The following ATP1A1 variants were observed in gnomAD, a reference collection of about 807,000 sequenced individuals.
ATP1A1 encodes ATPase Na+/K+ transporting subunit alpha 1, also known as sodium/potassium-transporting ATPase subunit alpha-1.
A neutral mutation model predicts 114.8 loss-of-function variants in ATP1A1; 14 were observed. That is an observed-to-expected ratio of 0.12 (90% confidence interval 0.08 to 0.19). The LOEUF (loss-of-function observed/expected upper bound fraction) is 0.19. Ranked by LOEUF, ATP1A1 falls within the 10% of genes least tolerant of loss-of-function variation. The pLI, the probability that ATP1A1 is intolerant of heterozygous loss-of-function variation, is 1.00. For synonymous variants in ATP1A1, 471 were observed against 466.3 expected (o/e 1.01, Z -0.13); for missense variants, 524 against 1,290.7 (o/e 0.41, Z 9.10).
chr1:116,403,852 G>A (rs1265659813), intron 21 of ATP1A1, 32 bp from the exon 22 acceptor site: 1 of 1,534,664 alleles, frequency 6.5e-7, no homozygotes, highest in East Asian at 2.2e-5. Context: ...GTGTTCGTGT[G>A]CATATAAATT....
intron 1 of ATP1A1, among the ~76,000 whole-genome samples, chr1:116,377,143 A>ATTTT (rs1651425041): frequency 6.6e-6 from 1 of 152,264 alleles, no homozygotes; most frequent in Non-Finnish European, 1.5e-5. Flanking sequence ...TCACTTAAAA[A>ATTTT]CAAACAGGTT....
chr1:116,392,684 G>C, intron 10 of ATP1A1, 170 bp from the exon 11 acceptor site: 1 of 701,632 alleles, frequency 1.4e-6, no homozygotes, highest in Non-Finnish European at 2.3e-6. Context: ...AACAGCAGTG[G>C]TCGGGGCTAG....
At chr1:116,390,009 G>T (rs1010709976) in intron 8 of ATP1A1, 10 of 668,876 alleles carry the variant, frequency 1.5e-5, no homozygotes, top group Admixed American at 2.9e-5. Context: ...GTAGAATCCT[G>T]TTATTATTTT....
Position 116,393,941 on chromosome 1 carries a change from C to T in ATP1A1, c.1660+218C>T, listed in dbSNP as rs1652689045. Among the ~76,000 whole-genome samples the T allele has an allele frequency of 6.6e-6, 1 of 152,130 alleles. No individual in the cohort carries two copies. The highest frequency in any genetic ancestry group is 6.5e-5 in the Admixed American group (1 of 15,272). ...CAGCGTATTGGGCTGTGAGAAACAA[C>T]GTCCTGATGGTTTGCTTCTGACTTG... On this transcript the variant is annotated intron_variant, in intron 12 of 22. Transcript: ENST00000295598. This position sits in a 1 kb window ranked among gnomAD's most constrained non-coding sequence, Gnocchi z 5.0.
Position 116,388,784 on chromosome 1 carries a change from A to G in ATP1A1, c.636+12A>G. The G allele has an allele frequency of 6.2e-7, 1 of 1,613,958 alleles. No homozygotes were observed. The highest frequency in any genetic ancestry group is 8.5e-7 in the Non-Finnish European group (1 of 1,179,882). On this transcript the variant is annotated intron_variant, in intron 6 of 22. Coordinates refer to ENST00000295598, the MANE Select transcript of ATP1A1 (RefSeq NM_000701.8). This position sits in a 1 kb window ranked among gnomAD's most constrained non-coding sequence, Gnocchi z 5.6. Reference sequence around the variant, plus strand: ...CAAATGGCTGCAAGGTAGCTCTTTTATTTTAACAAACCTCATAGCTAGCTC... The same window carrying G: ...CAAATGGCTGCAAGGTAGCTCTTTTGTTTTAACAAACCTCATAGCTAGCTC...
In ATP1A1 at chr1:116,387,511, A is replaced by T. The variant is rs370388445; in HGVS notation, c.387+20A>T. 1 of 1,612,986 alleles carries T rather than the reference A, an allele frequency of 6.2e-7. No homozygotes were observed. On this transcript the variant is annotated intron_variant, in intron 4 of 22. Transcript: ENST00000295598. The surrounding 1 kb of genome is among the most constrained non-coding windows in gnomAD (Gnocchi z 6.7). ...GATAATGTGAGTTCTGTAATTCAGCATATGGATTTGTAGTACACATCAGAT... is the reference window on the plus strand; with the variant it reads ...GATAATGTGAGTTCTGTAATTCAGCTTATGGATTTGTAGTACACATCAGAT...
In ATP1A1 at chr1:116,398,973, C is replaced by A; in HGVS notation, c.2337C>A (p.Thr779=). 2 of 1,614,150 alleles carry A rather than the reference C, an allele frequency of 1.2e-6. No homozygotes were observed. The highest frequency in any genetic ancestry group is 1.7e-6 in the Non-Finnish European group (2 of 1,180,036). The change falls in exon 17 of 23, where the codon ACC becomes ACA. Residue 779 remains threonine (T), a synonymous_variant. Transcript: ENST00000295598. This position sits in a 1 kb window ranked among gnomAD's most constrained non-coding sequence, Gnocchi z 6.1. Reference sequence around the variant, plus strand: ...ACTTGAAGAAATCCATTGCTTATACCTTAACCAGTAACATTCCCGAGATCA... The same window carrying A: ...ACTTGAAGAAATCCATTGCTTATACATTAACCAGTAACATTCCCGAGATCA... ...FDNLKKSIAY[T]LTSNIPEITP... is the part of the protein sequence containing the mutation.
chr1:116,402,204 A>G (rs1002441714), intron 21 of ATP1A1, among the ~76,000 whole-genome samples: 1 of 151,748 alleles, frequency 6.6e-6, no homozygotes, highest in Non-Finnish European at 1.5e-5. Context: ...AACACAGTGA[A>G]TGACTCTGCA....
rs1653054804 is a variant in ATP1A1 at position 116,397,779 on chromosome 1, T to C, written c.1974-109T>C. 1 of 1,372,906 alleles carries C rather than the reference T, an allele frequency of 7.3e-7. No homozygotes were observed. The highest frequency in any genetic ancestry group is 2.2e-5 in the Admixed American group (1 of 44,846). 85.0% of individuals were successfully genotyped at this position (1,372,906 alleles called of 1,614,324 possible). On this transcript the variant is annotated intron_variant, in intron 14 of 22. Transcript: ENST00000295598. The surrounding 1 kb of genome is among the most constrained non-coding windows in gnomAD (Gnocchi z 4.2). Reference sequence around the variant, plus strand: ...TTTATGTGCTGGGGAAAATTCCTTCTTTGTTTTGTTTACAAAGTGATCTGC... The same window carrying C: ...TTTATGTGCTGGGGAAAATTCCTTCCTTGTTTTGTTTACAAAGTGATCTGC...
chr1:116,398,931 T>TC lies in ATP1A1; in HGVS notation c.2296dup (p.Arg766ProfsTer5). ...AGTAAAAAATCTTGGTTTTCATAGGTCGTCTGATCTTTGATAACTTGAAGA... is the reference window on the plus strand; with the variant it reads ...AGTAAAAAATCTTGGTTTTCATAGGTCCGTCTGATCTTTGATAACTTGAAGA... On this transcript the variant is annotated frameshift_variant and splice_region_variant, in exon 17 of 23. Coordinates refer to ENST00000295598, the MANE Select transcript of ATP1A1 (RefSeq NM_000701.8). LOFTEE classifies it high-confidence loss of function. The surrounding 1 kb of genome is among the most constrained non-coding windows in gnomAD (Gnocchi z 6.1). The TC allele has an allele frequency of 6.2e-7, 1 of 1,614,142 alleles. No individual in the cohort carries two copies. The highest frequency in any genetic ancestry group is 8.5e-7 in the Non-Finnish European group (1 of 1,179,958).
chr1:116,403,600 T>C (rs986359297), intron 21 of ATP1A1, among the ~76,000 whole-genome samples: 4 of 152,248 alleles, frequency 2.6e-5, no homozygotes, highest in Non-Finnish European at 5.9e-5. Flanking sequence ...CTGCTCATCC[T>C]ATAAACCAAG....
In ATP1A1 at chr1:116,401,255, G is replaced by A. The variant is rs904188232; in HGVS notation, c.2844G>A (p.Gly948=). 4.3e-6 allele frequency: 7 copies of A among 1,614,208 alleles called. No homozygotes were observed. In the Middle Eastern group the frequency reaches 4.9e-4, roughly 114 times the overall value. ...KTRRNSVFQQ[G]MKNKILIFGL... ...GGAGGAATTCGGTCTTCCAGCAGGG[G>A]ATGAAGTAAGTAATGAAGGACATGT... is the stretch of plus-strand genomic sequence containing the variant. The change falls in exon 20 of 23, where the codon GGG becomes GGA. Residue 948 remains glycine (G), a synonymous_variant. Transcript: ENST00000295598. The surrounding 1 kb of genome is among the most constrained non-coding windows in gnomAD (Gnocchi z 4.7).
At chr1:116,376,856 A>C (rs1427016267) in intron 1 of ATP1A1, among the ~76,000 whole-genome samples, 1 of 152,238 alleles carries the variant, frequency 6.6e-6, no homozygotes, top group Non-Finnish European at 1.5e-5. Flanking sequence ...CTAACACTTA[A>C]AATATACAGA....
Position 116,404,591 on chromosome 1 carries a change from T to G in ATP1A1, c.*147T>G. On this transcript the variant is annotated 3_prime_UTR_variant, in exon 23 of 23. Transcript: ENST00000295598. This position sits in a 1 kb window ranked among gnomAD's most constrained non-coding sequence, Gnocchi z 4.8. ...TGTGGGGAAGCAAGACGTCCTGGAA[T>G]GAAGCATGTAGCTCTATGGGGGGAG... 1 of 1,371,140 alleles carries G rather than the reference T, an allele frequency of 7.3e-7. No individual in the cohort carries two copies. 84.9% of individuals were successfully genotyped at this position (1,371,140 alleles called of 1,614,324 possible).
Position 116,389,297 on chromosome 1 carries a change from T to A in ATP1A1, c.755-142T>A, listed in dbSNP as rs1228052027. 1 of 1,119,162 alleles carries A rather than the reference T, an allele frequency of 8.9e-7. No homozygotes were observed. Among genetic ancestry groups the A allele is most frequent in the African/African-American group, 1.6e-5 (1 of 64,118 alleles). The allele number at this position is 1,119,162 out of a possible 1,614,324, so 69.3% of individuals were successfully genotyped here. Reference sequence around the variant, plus strand: ...AGAAGTCCCTTTGCCAAACAGCATGTACAGCCAAAGAGCTGGCCCTTAAAA... The same window carrying A: ...AGAAGTCCCTTTGCCAAACAGCATGAACAGCCAAAGAGCTGGCCCTTAAAA... On this transcript the variant is annotated intron_variant, in intron 7 of 22. Transcript: ENST00000295598. This position sits in a 1 kb window ranked among gnomAD's most constrained non-coding sequence, Gnocchi z 6.9.
In ATP1A1 at chr1:116,389,420, C is replaced by T; in HGVS notation, c.755-19C>T. The T allele has an allele frequency of 6.2e-7, 1 of 1,612,870 alleles. No individual in the cohort carries two copies. The highest frequency in any genetic ancestry group is 8.5e-7 in the Non-Finnish European group (1 of 1,179,064). Reference sequence around the variant, plus strand: ...GTTAGATACAATTAGGTACAGTTCTCCCTCCCCTTCTTTTTAAGGCACCGC... The same window carrying T: ...GTTAGATACAATTAGGTACAGTTCTTCCTCCCCTTCTTTTTAAGGCACCGC... On this transcript the variant is annotated intron_variant, in intron 7 of 22. Coordinates refer to ENST00000295598, the MANE Select transcript of ATP1A1 (RefSeq NM_000701.8). The surrounding 1 kb of genome is among the most constrained non-coding windows in gnomAD (Gnocchi z 6.9).
intron 10 of ATP1A1, 36 bp from the exon 11 acceptor site, chr1:116,392,818 T>C (rs759066206): frequency 6.3e-7 from 1 of 1,582,474 alleles, no homozygotes; most frequent in Non-Finnish European, 8.6e-7. Flanking sequence ...GTGAAATTTT[T>C]TGGAGATAAT....
At position 116,381,333 on chromosome 1, in the gene ATP1A1, TTTGAGACTGAGGTAA is replaced by T. The variant is rs1438955474; in HGVS notation, c.13-2670_13-2656del. On this transcript the variant is annotated intron_variant, in intron 1 of 22. Transcript: ENST00000295598. The surrounding 1 kb of genome is among the most constrained non-coding windows in gnomAD (Gnocchi z 5.1). ...ACTCCCTGACTCTGAATTTTGCAGC[TTTGAGACTGAGGTAA>T]TTGAGACTGATAGGGATTTAAGGAT... Among the ~76,000 whole-genome samples, 3 of 152,232 alleles carry T rather than the reference TTTGAGACTGAGGTAA, an allele frequency of 2.0e-5. No individual in the cohort carries two copies. Among genetic ancestry groups the T allele is most frequent in the African/African-American group, 4.8e-5 (2 of 41,460 alleles).
At chr1:116,380,251 C>A (rs1557779624) in intron 1 of ATP1A1, among the ~76,000 whole-genome samples, 1 of 152,220 alleles carries the variant, frequency 6.6e-6, no homozygotes, top group East Asian at 1.9e-4. Flanking sequence ...GCAGACTCAA[C>A]ACCATTAGCA....
Sources: allele counts gnomAD v4.1 joint callset (sites outside exome capture counted in the v4.1 genomes callset), GRCh38; gene constraint gnomAD v4.1.1; non-coding constraint Gnocchi (gnomAD v3.1); transcripts MANE v1.5; gene names NCBI Gene and HGNC (gene_info 2026-07-23, HGNC 2026-07-21).